SHTN1: variants seen among roughly 807,000 people sequenced by gnomAD.
SHTN1 encodes the protein shootin 1.
In SHTN1, 42 loss-of-function variants were observed where a neutral mutation model predicts 83.1. The ratio of observed to expected loss-of-function variants is 0.51; its 90% CI spans 0.39 to 0.65. The LOEUF (loss-of-function observed/expected upper bound fraction) is 0.65, where lower values mean the gene tolerates loss of function less well. SHTN1 is among the 30% of genes least tolerant of loss of function. SHTN1 has a pLI of 0.00. For synonymous variants in SHTN1, 224 were observed against 247.7 expected (o/e 0.90, Z 0.90); for missense variants, 622 against 737.8 (o/e 0.84, Z 1.82).
intron 1 of SHTN1, among the ~76,000 whole-genome samples, chr10:117,102,218 G>A (rs1344914306): frequency 2.0e-5 from 3 of 152,216 alleles, no homozygotes; most frequent in African/African-American, 2.4e-5. Context: ...AGGAACTCAC[G>A]AAGGACTCAG....
rs180731093 is a variant in SHTN1, at chr10:117,026,910, G to T, written c.-123+21535C>A. On this transcript the variant is annotated intron_variant, in intron 2 of 17. Transcript: ENST00000392901. ...AACATAGGTGGTAGCCAGGGAGTGG[G>T]TGTAGCAGACCTTGGGTGAGGAGCA... Among the ~76,000 whole-genome samples, 12 of 152,330 alleles carry T rather than the reference G, an allele frequency of 7.9e-5. No homozygotes were observed. The East Asian group carries it at 2.3e-3, about 29-fold the overall frequency.
At chr10:116,929,072 A>G (rs999305991) in intron 10 of SHTN1, among the ~76,000 whole-genome samples, 1 of 152,208 alleles carries the variant, frequency 6.6e-6, no homozygotes, top group African/African-American at 2.4e-5. Context: ...GTGGATTAGA[A>G]AGCACTGAAT....
At chr10:117,007,606 C>T (rs17095519), upstream of SHTN1, among the ~76,000 whole-genome samples, 1,515 of 141,876 alleles carry the variant, frequency 0.011, 22 homozygotes, top group African/African-American at 0.031. Context: ...ATGGCATTCA[C>T]TTGAGGACAT....
At chr10:117,087,217 T>A (rs1425722190) in intron 1 of SHTN1, among the ~76,000 whole-genome samples, 1 of 152,212 alleles carries the variant, frequency 6.6e-6, no homozygotes, top group Admixed American at 6.5e-5. Flanking sequence ...TATACAACAT[T>A]ATGAATGTAC....
At position 116,940,529 on chromosome 10, in the gene SHTN1, A is replaced by C; in HGVS notation, c.795T>G (p.Ala265=). Reference sequence around the variant, plus strand: ...GGGTGAGTTTTGCATTTTCGTCTAAAGCTTTCAAAAGCTGCTGATCAGGGA... The same window carrying C: ...GGGTGAGTTTTGCATTTTCGTCTAACGCTTTCAAAAGCTGCTGATCAGGGA... ...SSIPDQQLLK[A]LDENAKLTQQ... is the part of the protein sequence containing the mutation. The change falls in exon 9 of 17, where the codon GCT becomes GCG. Residue 265 remains alanine (A), a synonymous_variant. Transcript: ENST00000355371. 1 of 1,614,096 alleles carries C rather than the reference A, an allele frequency of 6.2e-7. No individual in the cohort carries two copies. Among genetic ancestry groups the C allele is most frequent in the African/African-American group, 1.3e-5 (1 of 75,034 alleles).
At chr10:117,057,016 A>C (rs903106270) in intron 1 of SHTN1, among the ~76,000 whole-genome samples, 1 of 152,202 alleles carries the variant, frequency 6.6e-6, no homozygotes, top group Non-Finnish European at 1.5e-5. Context: ...AGTTCTAGCT[A>C]CCGCAATGAG....
intron 11 of SHTN1, among the ~76,000 whole-genome samples, chr10:116,927,039 C>G (rs373785456): frequency 6.6e-6 from 1 of 152,168 alleles, no homozygotes; most frequent in East Asian, 1.9e-4. Flanking sequence ...CGGTTCCTCT[C>G]TTAGCATTAC....
intron 11 of SHTN1, 133 bp downstream of exon 11, chr10:116,927,659 T>C: frequency 3.2e-6 from 4 of 1,239,262 alleles, no homozygotes; most frequent in African/African-American, 3.1e-5. Flanking sequence ...CCAAACCATA[T>C]CACTGGCCTT....
chr10:117,045,555 A>C (rs1004218146), intron 2 of SHTN1, among the ~76,000 whole-genome samples: 1 of 152,236 alleles, frequency 6.6e-6, no homozygotes, highest in Admixed American at 6.5e-5. Flanking sequence ...CATATACAAC[A>C]GTTGAAACAA....
chr10:117,003,269 C>A (rs779685260), intron 1 of SHTN1, among the ~76,000 whole-genome samples: 12 of 150,848 alleles, frequency 8.0e-5, no homozygotes, highest in Admixed American at 2.0e-4. Flanking sequence ...TCAGTAGAAT[C>A]CAGTCCCTCG....
intron 1 of SHTN1, among the ~76,000 whole-genome samples, chr10:117,091,040 A>G (rs974942132): frequency 1.3e-5 from 2 of 152,188 alleles, no homozygotes; most frequent in African/African-American, 4.8e-5. Flanking sequence ...GCACTAAATT[A>G]TCCTCTGGAA....
chr10:117,047,311 C>T (rs917931258), intron 2 of SHTN1, among the ~76,000 whole-genome samples: 28 of 152,094 alleles, frequency 1.8e-4, no homozygotes, highest in African/African-American at 4.8e-4. Context: ...GTGATCCACC[C>T]GCCTCAGCCT....
intron 2 of SHTN1, among the ~76,000 whole-genome samples, chr10:116,977,841 ATTT>A (rs1303445953): frequency 6.6e-6 from 1 of 151,992 alleles, no homozygotes; most frequent in Non-Finnish European, 1.5e-5. Flanking sequence ...TGACCGATTA[ATTT>A]TTTAACTTTT....
intron 2 of SHTN1, among the ~76,000 whole-genome samples, chr10:117,043,833 C>A (rs978561377): frequency 6.6e-6 from 1 of 151,924 alleles, no homozygotes; most frequent in South Asian, 2.1e-4. Flanking sequence ...CAGAGCAAGA[C>A]CCTGTCTCAA....
intron 16 of SHTN1, among the ~76,000 whole-genome samples, chr10:116,895,621 A>G (rs1289586426): frequency 3.3e-5 from 5 of 152,212 alleles, no homozygotes; most frequent in Non-Finnish European, 7.3e-5. Flanking sequence ...CTTAGGGTCA[A>G]TGAAGCAACT....
Position 116,999,339 on chromosome 10 carries a change from G to A in SHTN1, c.58+5683C>T, listed in dbSNP as rs549401244. 3.7e-4 allele frequency among the ~76,000 whole-genome samples: 56 copies of A among 152,166 alleles called. No homozygotes were observed. The South Asian group carries it at 0.011, about 30-fold the overall frequency. On this transcript the variant is annotated intron_variant, in intron 1 of 16. Transcript: ENST00000355371. ...ATTTCTGGAAGGAAAGAAAACAAAA[G>A]GTTAACAGTAGTTAACTTTGGGAAA...
intron 2 of SHTN1, among the ~76,000 whole-genome samples, chr10:117,024,354 T>C (rs1021921299): frequency 5.9e-4 from 84 of 141,336 alleles, no homozygotes; most frequent in African/African-American, 1.9e-3. Context: ...TTTTCTTTTT[T>C]TTTTTTTTTT....
Position 116,932,934 on chromosome 10 carries a change from T to C in SHTN1, c.859-2932A>G, listed in dbSNP as rs140841833. On this transcript the variant is annotated intron_variant, in intron 9 of 16. Coordinates refer to ENST00000355371, the MANE Select transcript of SHTN1 (RefSeq NM_001127211.3). ...ATTTACTAAATGATTTAACTGTAAG[T>C]AGCTGGACTTTTCAGAACCAAAAGT... 8.8e-3 allele frequency among the ~76,000 whole-genome samples: 1,347 copies of C among 152,310 alleles called. 6 individuals are homozygous for C. Among genetic ancestry groups the C allele is most frequent in the Non-Finnish European group, 0.015 (1,001 of 68,014 alleles).
At chr10:117,058,260 AT>A (rs1302077569) in intron 1 of SHTN1, among the ~76,000 whole-genome samples, 2 of 152,194 alleles carry the variant, frequency 1.3e-5, no homozygotes, top group Non-Finnish European at 2.9e-5. Context: ...GGGAGAAAAT[AT>A]TTGCAAATCA....
Sources: gnomAD v4.1 joint callset for allele counts (sites outside exome capture counted in the v4.1 genomes callset) on GRCh38, gnomAD v4.1.1 for gene constraint, MANE v1.5 for transcripts, NCBI Gene and HGNC (gene_info 2026-07-23, HGNC 2026-07-21) for gene names.